Variants in EDA observed in about 807,000 individuals in gnomAD.
EDA encodes the protein ectodysplasin-A.
EDA carries 2 observed loss-of-function variants against 23.6 expected under a neutral mutation model. The observed-to-expected ratio is 0.08, with a 90% CI of 0.03 to 0.27. EDA has a LOEUF of 0.27. Among genes scored for constraint, EDA ranks in the 10% least tolerant of loss-of-function variants. The pLI, the probability that EDA is intolerant of heterozygous loss-of-function variation, is 1.00. For missense variants in EDA, 229 were observed against 324.2 expected (o/e 0.71, Z 2.26); for synonymous variants, 131 against 132.0 (o/e 0.99, Z 0.05).
At chrX:69,796,458 T>G (rs2015548218) in intron 1 of EDA, among the ~76,000 whole-genome samples, 1 of 111,346 alleles carries the variant, frequency 9.0e-6, no homozygotes, top group African/African-American at 3.3e-5. Context: ...ATTACAGATA[T>G]CCCTGATGCT....
intron 1 of EDA, among the ~76,000 whole-genome samples, chrX:69,631,208 C>A (rs1456652530): frequency 9.2e-6 from 1 of 108,896 alleles, no homozygotes; most frequent in Non-Finnish European, 1.9e-5. Flanking sequence ...TGGTGAAACC[C>A]CGTCTCTACT....
At chrX:69,947,961 T>G (rs752317300) in intron 1 of EDA, among the ~76,000 whole-genome samples, 106 of 112,382 alleles carry the variant, frequency 9.4e-4, no homozygotes, top group Non-Finnish European at 1.7e-3. Context: ...TAACTCATCT[T>G]TCTCCTTGAT....
At chrX:69,889,768 A>G (rs1457065981) in intron 1 of EDA, among the ~76,000 whole-genome samples, 2 of 111,965 alleles carry the variant, frequency 1.8e-5, no homozygotes, top group Non-Finnish European at 3.8e-5. Flanking sequence ...TCTTTGAAGC[A>G]CACAGATTAT....
At chrX:69,683,444 A>G (rs970063930) in intron 1 of EDA, among the ~76,000 whole-genome samples, 16 of 111,683 alleles carry the variant, frequency 1.4e-4, no homozygotes, top group Non-Finnish European at 2.8e-4. Flanking sequence ...TGTCCAAACT[A>G]CAAGGCTTAT....
At chrX:69,671,570 G>A (rs1278237413) in intron 1 of EDA, among the ~76,000 whole-genome samples, 1 of 111,685 alleles carries the variant, frequency 9.0e-6, no homozygotes, top group Non-Finnish European at 1.9e-5. Context: ...GTTGGGTCCA[G>A]GGGACTGTGA....
chrX:69,653,549 G>T (rs1219192257), intron 1 of EDA, among the ~76,000 whole-genome samples: 1 of 111,043 alleles, frequency 9.0e-6, no homozygotes, highest in East Asian at 2.8e-4. Flanking sequence ...TCCCTATCTT[G>T]TGCCCGTTTT....
chrX:70,020,515 C>G (rs1388884140), intron 2 of EDA, among the ~76,000 whole-genome samples: 2 of 108,245 alleles, frequency 1.8e-5, no homozygotes, highest in Admixed American at 9.9e-5. Flanking sequence ...GCCAAGATCG[C>G]ACCACTACAC....
chrX:69,644,760 T>C (rs774154908), intron 1 of EDA, among the ~76,000 whole-genome samples: 2 of 111,655 alleles, frequency 1.8e-5, no homozygotes, highest in Non-Finnish European at 3.8e-5. Flanking sequence ...TTGTCATAAA[T>C]GGCTGTTATT....
intron 1 of EDA, among the ~76,000 whole-genome samples, chrX:69,617,899 T>C (rs1345066715): frequency 9.6e-6 from 1 of 104,204 alleles, no homozygotes; most frequent in Non-Finnish European, 2.0e-5. Flanking sequence ...TTCATGATAA[T>C]AGTGTAATGT....
chrX:70,032,095 C>CA (rs947728790), intron 6 of EDA, among the ~76,000 whole-genome samples: 1 of 110,500 alleles, frequency 9.0e-6, no homozygotes, highest in Admixed American at 9.6e-5. Context: ...CCCGTCTCCA[C>CA]AAAAAATACA....
intron 3 of EDA, among the ~76,000 whole-genome samples, chrX:70,024,669 A>G (rs891628183): frequency 8.9e-6 from 1 of 112,257 alleles, no homozygotes; most frequent in African/African-American, 3.2e-5. Context: ...TTCCTTGGAC[A>G]TGGTGAATAG....
intron 1 of EDA, among the ~76,000 whole-genome samples, chrX:69,755,987 G>T (rs928126493): frequency 1.8e-5 from 2 of 112,111 alleles, no homozygotes; most frequent in East Asian, 5.7e-4. Context: ...GCTAAGAAAG[G>T]GAATTCCCCA....
chrX:69,978,517 A>AG (rs1396559872), intron 2 of EDA, among the ~76,000 whole-genome samples: 23 of 103,277 alleles, frequency 2.2e-4, no homozygotes, highest in African/African-American at 6.6e-4. Flanking sequence ...AAAAAAAAAA[A>AG]AAAGAAAGAA....
chrX:69,738,388 T>A (rs2013339995), intron 1 of EDA, among the ~76,000 whole-genome samples: 1 of 110,020 alleles, frequency 9.1e-6, no homozygotes, highest in African/African-American at 3.3e-5. Context: ...GTTATTTGAT[T>A]CTTCTGTTTT....
chrX:70,009,694 C>A (rs1377044463), intron 2 of EDA, among the ~76,000 whole-genome samples: 1 of 111,617 alleles, frequency 9.0e-6, no homozygotes, highest in African/African-American at 3.3e-5. Flanking sequence ...TCAAGTGATT[C>A]TCCTGCCTTA....
At position 69,979,446 on chromosome X, in the gene EDA, G is replaced by A. The variant is rs754251550; in HGVS notation, c.502+22314G>A. ...TTGCTGGGCCAAATGTTAACTTTGT[G>A]TCAGCTTTTTAAGGAAATACCAGAC... On this transcript the variant is annotated intron_variant, in intron 2 of 7. Transcript: ENST00000374552. 3.6e-5 allele frequency among the ~76,000 whole-genome samples: 4 copies of A among 111,925 alleles called. 1 individual carries two copies. The highest frequency in any genetic ancestry group is 7.5e-5 in the Non-Finnish European group (4 of 53,157).
intron 1 of EDA, among the ~76,000 whole-genome samples, chrX:69,781,900 A>G (rs1333862068): frequency 9.0e-6 from 1 of 110,949 alleles, no homozygotes; most frequent in Admixed American, 9.7e-5. Context: ...ACCAGTAAAC[A>G]TGATGCTCCA....
At chrX:69,972,984 ATAAC>A (rs1452295001) in intron 2 of EDA, among the ~76,000 whole-genome samples, 1 of 111,673 alleles carries the variant, frequency 9.0e-6, no homozygotes, top group Admixed American at 9.6e-5. Flanking sequence ...TGAATTAGCT[ATAAC>A]TAACTAAGCT....
chrX:69,738,619 A>G (rs1331315752), intron 1 of EDA, among the ~76,000 whole-genome samples: 2 of 107,835 alleles, frequency 1.9e-5, no homozygotes, highest in South Asian at 4.1e-4. Context: ...TTAAATATAT[A>G]CATTTACAGC....
Sources: gnomAD v4.1 joint callset for allele counts (sites outside exome capture counted in the v4.1 genomes callset) on GRCh38, gnomAD v4.1.1 for gene constraint, MANE v1.5 for transcripts, NCBI Gene and HGNC (gene_info 2026-07-23, HGNC 2026-07-21) for gene names.